Variants in GLRB observed in about 807,000 individuals in gnomAD.
The protein encoded by GLRB is glycine receptor subunit beta.
GLRB carries 33 observed loss-of-function variants against 54.2 expected under a neutral mutation model. The ratio of observed to expected loss-of-function variants is 0.61; its 90% CI spans 0.46 to 0.81. GLRB has a LOEUF of 0.81. GLRB is among the 40% of genes least tolerant of loss of function. The probability of loss-of-function intolerance (pLI) is 0.00; values close to 1 mark genes in which losing one functional copy is unlikely to be tolerated. For synonymous variants in GLRB, 209 were observed against 208.2 expected (o/e 1.00, Z -0.03); for missense variants, 572 against 584.6 (o/e 0.98, Z 0.22).
intron 2 of GLRB, among the ~76,000 whole-genome samples, chr4:157,097,840 G>T (rs560964679): frequency 6.6e-6 from 1 of 152,218 alleles, no homozygotes; most frequent in African/African-American, 2.4e-5. Context: ...GGCCACAATG[G>T]TGAAACCCCG....
chr4:157,095,413 G>A (rs1734773138), intron 2 of GLRB, among the ~76,000 whole-genome samples: 1 of 152,076 alleles, frequency 6.6e-6, no homozygotes, highest in Non-Finnish European at 1.5e-5. Flanking sequence ...GATGTGTTAA[G>A]TTTGAGGTAT....
At chr4:157,109,258 T>C (rs1165862084) in intron 2 of GLRB, among the ~76,000 whole-genome samples, 1 of 151,582 alleles carries the variant, frequency 6.6e-6, no homozygotes, top group East Asian at 1.9e-4. Flanking sequence ...GTGTATTACT[T>C]TAGTTTTATC....
At chr4:157,129,795 A>C (rs917714038) in intron 4 of GLRB, among the ~76,000 whole-genome samples, 1 of 151,548 alleles carries the variant, frequency 6.6e-6, no homozygotes, top group African/African-American at 2.4e-5. Flanking sequence ...GGTGCAGCTT[A>C]AAGCAAGAAG....
chr4:157,170,579 G>A lies in GLRB; in HGVS notation c.1345G>A (p.Gly449Arg). 1 of 1,613,538 alleles carries A rather than the reference G, an allele frequency of 6.2e-7. No homozygotes were observed. The highest frequency in any genetic ancestry group is 8.5e-7 in the Non-Finnish European group (1 of 1,179,618). ...ACCCATTGAAGTTAACAACGGACTT[G>A]GGAAATCTCAGGCTAAGAACAACAA... ...GKPIEVNNGLGKSQAKNNKKP... is the reference protein window; with the variant it reads ...GKPIEVNNGLRKSQAKNNKKP... The change falls in exon 10 of 10, where the codon GGG becomes AGG. Residue 449 changes from glycine to arginine, a missense_variant. Physicochemically the swap from Gly to Arg is moderately radical, Grantham distance 125 (BLOSUM62 -2). Coordinates refer to ENST00000264428, the MANE Select transcript of GLRB (RefSeq NM_000824.5).
At chr4:157,155,320 A>G (rs903506489) in intron 9 of GLRB, among the ~76,000 whole-genome samples, 1 of 152,048 alleles carries the variant, frequency 6.6e-6, no homozygotes, top group East Asian at 1.9e-4. Flanking sequence ...TAGTAGAGAC[A>G]GGGTTTCCTC....
In GLRB at chr4:157,153,028, C is replaced by G; in HGVS notation, c.1197+18C>G. On this transcript the variant is annotated intron_variant, in intron 9 of 9. Transcript: ENST00000264428. ...CTTTGCAGGTAAGGATAAAATTATG[C>G]CATGAAATCATTTCCCCCAACCACT... 1 of 1,597,326 alleles carries G rather than the reference C, an allele frequency of 6.3e-7. No homozygotes were observed. The highest frequency in any genetic ancestry group is 8.6e-7 in the Non-Finnish European group (1 of 1,165,224).
At chr4:157,114,483 T>A (rs1421674370) in intron 2 of GLRB, among the ~76,000 whole-genome samples, 1 of 151,866 alleles carries the variant, frequency 6.6e-6, no homozygotes, top group East Asian at 1.9e-4. Context: ...GGTGCTTTTA[T>A]TTATTTTTTA....
intron 4 of GLRB, among the ~76,000 whole-genome samples, chr4:157,122,771 C>T (rs1441278768): frequency 6.6e-6 from 1 of 151,670 alleles, no homozygotes; most frequent in African/African-American, 2.4e-5. Flanking sequence ...AAGTTTTTTT[C>T]TTCCAATTTC....
In GLRB at chr4:157,153,546, A is replaced by C. The variant is rs1014511332; in HGVS notation, c.1197+536A>C. Among the ~76,000 whole-genome samples, 13 of 152,290 alleles carry C rather than the reference A, an allele frequency of 8.5e-5. No individual in the cohort carries two copies. In the East Asian group the frequency reaches 2.3e-3, roughly 27 times the overall value. On this transcript the variant is annotated intron_variant, in intron 9 of 9. Transcript: ENST00000264428. ...TCTGGCTCAGGGAAACGATGCCTGCAGTTAGGAATCTGTCCCTCCCAGCAG... is the reference window on the plus strand; with the variant it reads ...TCTGGCTCAGGGAAACGATGCCTGCCGTTAGGAATCTGTCCCTCCCAGCAG...
At chr4:157,138,145 C>T (rs1377046464) in intron 6 of GLRB, among the ~76,000 whole-genome samples, 2 of 152,156 alleles carry the variant, frequency 1.3e-5, no homozygotes, top group African/African-American at 4.8e-5. Context: ...GATCTCAGCT[C>T]ACTGCAACCT....
intron 2 of GLRB, among the ~76,000 whole-genome samples, chr4:157,087,162 C>A (rs1734441136): frequency 6.6e-6 from 1 of 151,982 alleles, no homozygotes; most frequent in African/African-American, 2.4e-5. Context: ...ATAGACAAAT[C>A]CTAAATTAAT....
chr4:157,104,364 G>T (rs1001272703), intron 2 of GLRB, among the ~76,000 whole-genome samples: 2 of 152,042 alleles, frequency 1.3e-5, no homozygotes, highest in African/African-American at 2.4e-5. Flanking sequence ...GGCATTAATT[G>T]ATTTCTGTAT....
intron 8 of GLRB, among the ~76,000 whole-genome samples, chr4:157,145,544 TTTGTG>T (rs1275168867): frequency 6.6e-6 from 1 of 152,154 alleles, no homozygotes; most frequent in Non-Finnish European, 1.5e-5. Context: ...AAGTATTTGT[TTTGTG>T]TTATGTGTTA....
chr4:157,079,709 A>G (rs1161045626), intron 2 of GLRB, among the ~76,000 whole-genome samples: 3 of 151,946 alleles, frequency 2.0e-5, no homozygotes, highest in Non-Finnish European at 4.4e-5. Flanking sequence ...AACCATCTCA[A>G]CTCTTCACTG....
At chr4:157,146,590 G>A (rs1455059368) in intron 8 of GLRB, among the ~76,000 whole-genome samples, 2 of 152,044 alleles carry the variant, frequency 1.3e-5, no homozygotes, top group African/African-American at 4.8e-5. Context: ...AGGCAAAGGT[G>A]GGCAAATCAC....
intron 2 of GLRB, among the ~76,000 whole-genome samples, chr4:157,102,725 G>A (rs1481919388): frequency 6.6e-6 from 1 of 152,172 alleles, no homozygotes; most frequent in Non-Finnish European, 1.5e-5. Context: ...GGTTGGCCAA[G>A]TATATATATT....
rs376097077 is a variant in GLRB, at chr4:157,143,937, G to A, written c.882G>A (p.Ala294=). 1.7e-5 allele frequency: 27 copies of A among 1,613,914 alleles called. No individual in the cohort carries two copies. The highest frequency in any genetic ancestry group is 8.0e-5 in the African/African-American group (6 of 74,912). Residue 294 remains alanine (A), a synonymous_variant, in exon 8 of 10, where the codon GCG becomes GCA. Coordinates refer to ENST00000264428, the MANE Select transcript of GLRB (RefSeq NM_000824.5). The part of the protein sequence containing the change: ...SWLSFWINPD[A]SAARVPLGIF... ...TTTCCTTCTGGATCAACCCGGACGCGAGTGCTGCCAGAGTGCCCCTGGGTA... is the reference window on the plus strand; with the variant it reads ...TTTCCTTCTGGATCAACCCGGACGCAAGTGCTGCCAGAGTGCCCCTGGGTA...
chr4:157,134,809 A>T (rs1355221895), intron 4 of GLRB, among the ~76,000 whole-genome samples: 1 of 152,188 alleles, frequency 6.6e-6, no homozygotes, highest in Non-Finnish European at 1.5e-5. Flanking sequence ...CTGAATGTGT[A>T]GGAGACATAC....
In GLRB at chr4:157,141,581, G is replaced by A. The variant is rs1411942027; in HGVS notation, c.752-2226G>A. ...GTATACAAAAATACTCAAATTGGAA[G>A]CCTGAGTGAATAATGGGATAAAACT... On this transcript the variant is annotated intron_variant, in intron 7 of 9. Coordinates refer to ENST00000264428, the MANE Select transcript of GLRB (RefSeq NM_000824.5). Among the ~76,000 whole-genome samples, 3 of 151,996 alleles carry A rather than the reference G, an allele frequency of 2.0e-5. No individual in the cohort carries two copies. In the Middle Eastern group the frequency reaches 0.01, roughly 521 times the overall value.
Sources: allele counts gnomAD v4.1 joint callset (sites outside exome capture counted in the v4.1 genomes callset), GRCh38; gene constraint gnomAD v4.1.1; transcripts MANE v1.5; gene names NCBI Gene and HGNC (gene_info 2026-07-23, HGNC 2026-07-21).